The following PACRG variants were observed in gnomAD, a reference collection of about 807,000 sequenced individuals.
PACRG encodes the protein parkin coregulated gene protein.
Under a neutral mutation model 29.7 loss-of-function variants are expected in PACRG, and 29 were observed. That is an observed-to-expected ratio of 0.98 (90% CI 0.73 to 1.33). The LOEUF is 1.33. Ranked by LOEUF, PACRG falls within the 40% of genes most tolerant of loss-of-function variation. The pLI, the probability that PACRG is intolerant of heterozygous loss-of-function variation, is 0.00. For synonymous variants in PACRG, 116 were observed against 118.7 expected (o/e 0.98, Z 0.15); for missense variants, 279 against 316.2 (o/e 0.88, Z 0.89).
intron 4 of PACRG, among the ~76,000 whole-genome samples, chr6:163,188,402 C>T (rs976867221): frequency 1.3e-5 from 2 of 152,124 alleles, no homozygotes; most frequent in Non-Finnish European, 2.9e-5. Context: ...TATTTAAGCC[C>T]CCGAAGCTAC....
intron 4 of PACRG, among the ~76,000 whole-genome samples, chr6:163,208,574 G>A (rs1047292462): frequency 1.6e-4 from 25 of 152,194 alleles, no homozygotes; most frequent in African/African-American, 5.8e-4. Flanking sequence ...AAGCTAATTT[G>A]GCTAAGCACA....
chr6:163,081,137 A>G (rs992440309), intron 3 of PACRG, among the ~76,000 whole-genome samples: 2 of 152,314 alleles, frequency 1.3e-5, no homozygotes, highest in Non-Finnish European at 1.5e-5. Context: ...ATTCTACCCT[A>G]TAAAATAGAA....
At chr6:162,878,003 A>G (rs1298482386) in intron 2 of PACRG, among the ~76,000 whole-genome samples, 2 of 152,224 alleles carry the variant, frequency 1.3e-5, no homozygotes, top group East Asian at 3.8e-4. Context: ...ACCTAAGGTT[A>G]TAGATAGTTT....
At chr6:163,159,579 G>T (rs2128341414) in intron 4 of PACRG, among the ~76,000 whole-genome samples, 1 of 151,952 alleles carries the variant, frequency 6.6e-6, no homozygotes, top group Middle Eastern at 3.4e-3. Context: ...ACCTTCCTCA[G>T]CCACTGTATT....
intron 2 of PACRG, among the ~76,000 whole-genome samples, chr6:162,878,762 T>A (rs1004967325): frequency 1.3e-5 from 2 of 152,222 alleles, no homozygotes; most frequent in Non-Finnish European, 2.9e-5. Context: ...CCCCAATATG[T>A]TGTTTCTAGC....
At chr6:163,103,762 G>A (rs1217116032) in intron 4 of PACRG, among the ~76,000 whole-genome samples, 1 of 152,184 alleles carries the variant, frequency 6.6e-6, no homozygotes, top group Non-Finnish European at 1.5e-5. Flanking sequence ...ATGTTCAAGA[G>A]GATACAAAAT....
intron 1 of PACRG, among the ~76,000 whole-genome samples, chr6:162,757,424 G>A (rs1355056387): frequency 1.3e-5 from 2 of 152,210 alleles, no homozygotes; most frequent in Admixed American, 6.5e-5. Context: ...GCTGACATGG[G>A]TGGATCACCT....
chr6:163,269,837 A>AT (rs1562349362), intron 4 of PACRG, among the ~76,000 whole-genome samples: 1 of 34,816 alleles, frequency 2.9e-5, no homozygotes, highest in African/African-American at 1.3e-4. Context: ...GAAAGAAAGA[A>AT]AAAGAAAGAA....
intron 2 of PACRG, among the ~76,000 whole-genome samples, chr6:162,842,605 T>G (rs1789900249): frequency 7.6e-6 from 1 of 131,808 alleles, no homozygotes; most frequent in Non-Finnish European, 1.6e-5. Context: ...CATTTAAAGT[T>G]AATATTGTTA....
chr6:163,162,152 G>T (rs918767303), intron 4 of PACRG, among the ~76,000 whole-genome samples: 5 of 152,186 alleles, frequency 3.3e-5, no homozygotes, highest in Admixed American at 6.5e-5. Flanking sequence ...CCCGCCAGCT[G>T]CCAGGGCCCA....
At chr6:163,097,405 G>A (rs1814695667) in intron 4 of PACRG, among the ~76,000 whole-genome samples, 1 of 152,304 alleles carries the variant, frequency 6.6e-6, no homozygotes, top group South Asian at 2.1e-4. Context: ...ATCAAGAATG[G>A]CTTGTGTAAG....
chr6:163,051,760 C>T (rs1810039887), intron 2 of PACRG: 1 of 152,198 alleles, frequency 6.6e-6, no homozygotes, highest in South Asian at 2.1e-4. Flanking sequence ...CCTGGGGTCT[C>T]CTGGCATCAC....
chr6:163,005,844 TAC>T (rs1740991124), intron 2 of PACRG, among the ~76,000 whole-genome samples: 1 of 148,066 alleles, frequency 6.8e-6, no homozygotes, highest in Non-Finnish European at 1.5e-5. Flanking sequence ...AACATAGTTA[TAC>T]GTGTTATATA....
At chr6:163,280,792 T>C (rs988697034) in intron 4 of PACRG, among the ~76,000 whole-genome samples, 1 of 152,138 alleles carries the variant, frequency 6.6e-6, no homozygotes, top group African/African-American at 2.4e-5. Context: ...TGAATCCTAT[T>C]AGATCATCTG....
chr6:163,028,842 T>G (rs926400281), intron 2 of PACRG, among the ~76,000 whole-genome samples: 2 of 152,360 alleles, frequency 1.3e-5, no homozygotes, highest in Non-Finnish European at 2.9e-5. Context: ...ATAAATTTGT[T>G]GGAAGTATCA....
chr6:162,907,317 C>A (rs1475992551), intron 2 of PACRG, among the ~76,000 whole-genome samples: 1 of 152,000 alleles, frequency 6.6e-6, no homozygotes, highest in African/African-American at 2.4e-5. Flanking sequence ...CAATACATGC[C>A]TATTTTATGT....
intron 4 of PACRG, among the ~76,000 whole-genome samples, chr6:163,298,341 C>T (rs190550835): frequency 2.6e-5 from 4 of 151,696 alleles, no homozygotes; most frequent in Admixed American, 6.6e-5. Flanking sequence ...ACTAAAGCAA[C>T]CTTAGAGTAG....
chr6:163,132,382 C>T (rs999993093), intron 4 of PACRG, among the ~76,000 whole-genome samples: 1 of 152,124 alleles, frequency 6.6e-6, no homozygotes, highest in Non-Finnish European at 1.5e-5. Flanking sequence ...AAGAAGAATC[C>T]AAACTTGAGT....
intron 4 of PACRG, among the ~76,000 whole-genome samples, chr6:163,158,535 T>C (rs1373416535): frequency 6.6e-6 from 1 of 152,188 alleles, no homozygotes; most frequent in African/African-American, 2.4e-5. Context: ...ATGTGTGTCA[T>C]TAAAAGTTAC....
Sources: allele counts gnomAD v4.1 joint callset (sites outside exome capture counted in the v4.1 genomes callset), GRCh38; gene constraint gnomAD v4.1.1; transcripts MANE v1.5; gene names NCBI Gene and HGNC (gene_info 2026-07-23, HGNC 2026-07-21).